Variants in MAGI2 observed in about 807,000 individuals in gnomAD.
The protein encoded by MAGI2 is membrane-associated guanylate kinase, WW and PDZ domain-containing protein 2.
In MAGI2, 35 loss-of-function variants were observed where a neutral mutation model predicts 133.3. The ratio of observed to expected loss-of-function variants is 0.26; its 90% confidence interval spans 0.20 to 0.35. MAGI2 has a LOEUF of 0.35. MAGI2 is among the 10% of genes least tolerant of loss of function. The pLI, the probability that MAGI2 is intolerant of heterozygous loss-of-function variation, is 1.00. For missense variants in MAGI2, 1,636 were observed against 1,863.4 expected, an observed-to-expected ratio of 0.88 and a Z score of 2.25; for synonymous variants, 729 against 710.6, an observed-to-expected ratio of 1.03 and a Z score of -0.41.
intron 9 of MAGI2, among the ~76,000 whole-genome samples, chr7:78,323,763 C>T (rs888500290): frequency 1.9e-4 from 29 of 152,230 alleles, no homozygotes; most frequent in Non-Finnish European, 4.0e-4. Flanking sequence ...AAAATTATTG[C>T]ATAGTTCTTA....
At chr7:78,078,808 GTGTGTA>G (rs772792544) in intron 21 of MAGI2, 133 bp downstream of exon 21, 316 of 776,902 alleles carry the variant, frequency 4.1e-4, no homozygotes, top group African/African-American at 9.5e-4. Flanking sequence ...GTGTGTGTGT[GTGTGTA>G]TATATATACC....
chr7:79,104,111 C>T (rs1261461957), intron 1 of MAGI2, among the ~76,000 whole-genome samples: 1 of 152,108 alleles, frequency 6.6e-6, no homozygotes, highest in East Asian at 1.9e-4. Flanking sequence ...TATAAGTGAA[C>T]AAAGGGATTT....
At chr7:78,613,758 T>A (rs1806735914) in intron 3 of MAGI2, among the ~76,000 whole-genome samples, 2 of 152,194 alleles carry the variant, frequency 1.3e-5, no homozygotes, top group South Asian at 4.1e-4. Flanking sequence ...GTTAAAAATG[T>A]GACAATATAA....
chr7:78,764,008 A>C (rs1313523672), intron 2 of MAGI2, among the ~76,000 whole-genome samples: 1 of 152,200 alleles, frequency 6.6e-6, no homozygotes, highest in Non-Finnish European at 1.5e-5. Context: ...TAGTACTACT[A>C]AGGACATACT....
chr7:78,975,449 G>A (rs553347775), intron 2 of MAGI2, among the ~76,000 whole-genome samples: 2 of 151,430 alleles, frequency 1.3e-5, no homozygotes, highest in Non-Finnish European at 3.0e-5. Context: ...AGAAGTCACG[G>A]GAGAAATTTT....
At position 78,959,057 on chromosome 7, in the gene MAGI2, G is replaced by A. The variant is rs1405360063; in HGVS notation, c.418+48033C>T. ...CTGCAACTCGGCCACGGGCAACCTT[G>A]TAAGATCTTTTCAATATGTCCATGC... On this transcript the variant is annotated intron_variant, in intron 2 of 21. Transcript: ENST00000354212. 4.6e-5 allele frequency among the ~76,000 whole-genome samples: 7 copies of A among 151,974 alleles called. No individual in the cohort carries two copies. The East Asian group carries it at 5.8e-4, about 13-fold the overall frequency.
At chr7:78,261,316 A>G (rs1793498346) in intron 9 of MAGI2, among the ~76,000 whole-genome samples, 1 of 152,124 alleles carries the variant, frequency 6.6e-6, no homozygotes, top group African/African-American at 2.4e-5. Context: ...TTTACCCTCA[A>G]GAGCACTTCC....
chr7:79,003,650 C>T (rs1226313928), intron 2 of MAGI2, among the ~76,000 whole-genome samples: 5 of 152,158 alleles, frequency 3.3e-5, no homozygotes, highest in Admixed American at 3.3e-4. Flanking sequence ...AAGTTTCTAA[C>T]AATGGCAGGA....
chr7:78,466,251 C>T (rs1242326659), intron 6 of MAGI2, among the ~76,000 whole-genome samples: 3 of 152,196 alleles, frequency 2.0e-5, no homozygotes, highest in African/African-American at 4.8e-5. Flanking sequence ...GCTCCCTTTC[C>T]ACTCAGCCTA....
At chr7:78,099,052 A>C (rs6971921) in intron 20 of MAGI2, among the ~76,000 whole-genome samples, 72,352 of 151,916 alleles carry the variant, frequency 0.48, 17,997 homozygotes, top group African/African-American at 0.62. Context: ...TGGTTACATA[A>C]AGTGAATAAT....
chr7:78,066,003 T>C (rs1481335336), intron 21 of MAGI2, among the ~76,000 whole-genome samples: 4 of 152,224 alleles, frequency 2.6e-5, no homozygotes, highest in East Asian at 1.9e-4. Context: ...AATAATGAGA[T>C]GTTTTAGGGA....
At chr7:78,247,122 T>C (rs1036153581) in intron 10 of MAGI2, among the ~76,000 whole-genome samples, 1 of 152,122 alleles carries the variant, frequency 6.6e-6, no homozygotes, top group Non-Finnish European at 1.5e-5. Context: ...ATATTGACCA[T>C]GTTAGACCCA....
At chr7:78,656,787 TTTTA>T (rs1166450304) in intron 2 of MAGI2, among the ~76,000 whole-genome samples, 1 of 152,106 alleles carries the variant, frequency 6.6e-6, no homozygotes, top group Non-Finnish European at 1.5e-5. Context: ...GTATATATAA[TTTTA>T]TTTGCCAATT....
chr7:78,183,428 G>A (rs1322609625), intron 13 of MAGI2, among the ~76,000 whole-genome samples: 1 of 151,902 alleles, frequency 6.6e-6, no homozygotes, highest in Non-Finnish European at 1.5e-5. Flanking sequence ...ACCACGCCCA[G>A]CTAATTTTTG....
intron 10 of MAGI2, among the ~76,000 whole-genome samples, chr7:78,241,526 C>A (rs932194045): frequency 4.6e-5 from 7 of 152,098 alleles, no homozygotes; most frequent in Non-Finnish European, 8.8e-5. Context: ...GAAATTGGGT[C>A]AATTATTAAC....
At chr7:79,314,371 A>C (rs964335154) in intron 1 of MAGI2, among the ~76,000 whole-genome samples, 1 of 152,184 alleles carries the variant, frequency 6.6e-6, no homozygotes, top group African/African-American at 2.4e-5. Context: ...GGCCTCCCAA[A>C]GTGCTGAGAT....
intron 21 of MAGI2, among the ~76,000 whole-genome samples, chr7:78,077,256 G>A (rs1815420904): frequency 6.6e-6 from 1 of 152,294 alleles, no homozygotes; most frequent in South Asian, 2.1e-4. Flanking sequence ...TGTTTTAGAA[G>A]TGATAGAATT....
intron 2 of MAGI2, among the ~76,000 whole-genome samples, chr7:78,755,582 C>A (rs1266395309): frequency 6.6e-6 from 1 of 152,144 alleles, no homozygotes; most frequent in Non-Finnish European, 1.5e-5. Context: ...ATCTACACAG[C>A]AGACAAATAC....
chr7:79,170,279 C>A (rs1825398257), intron 1 of MAGI2, among the ~76,000 whole-genome samples: 2 of 149,478 alleles, frequency 1.3e-5, no homozygotes, highest in South Asian at 4.3e-4. Flanking sequence ...CCCCAGCAAT[C>A]TTCCTGCTTC....
Sources: allele counts gnomAD v4.1 joint callset (sites outside exome capture counted in the v4.1 genomes callset), GRCh38; gene constraint gnomAD v4.1.1; transcripts MANE v1.5; gene names NCBI Gene and HGNC (gene_info 2026-07-23, HGNC 2026-07-21).